Variants in VIL1 observed in about 807,000 individuals in gnomAD.
VIL1 encodes villin-1.
Under a neutral mutation model 104.0 loss-of-function variants are expected in VIL1, and 86 were observed. The observed-to-expected ratio is 0.83, with a 90% CI of 0.69 to 0.99. VIL1 has a LOEUF of 0.99. Among genes scored for constraint, VIL1 ranks in the 50% least tolerant of loss-of-function variants. VIL1 has a pLI of 0.00. For missense variants in VIL1, 944 were observed against 1,054.1 expected (o/e 0.90, Z 1.45); for synonymous variants, 394 against 412.6 (o/e 0.95, Z 0.55).
At chr2:218,432,220 G>A in intron 12 of VIL1, 37 bp downstream of exon 12, 2 of 1,598,288 alleles carry the variant, frequency 1.3e-6, no homozygotes, top group Non-Finnish European at 8.5e-7. Context: ...AGCACAGCCG[G>A]CTTAGCTCTG....
At chr2:218,421,631 TA>T (rs1373362140) in intron 1 of VIL1, among the ~76,000 whole-genome samples, 3 of 152,048 alleles carry the variant, frequency 2.0e-5, no homozygotes, top group Non-Finnish European at 4.4e-5. Flanking sequence ...ATACACCAGG[TA>T]GGGGGGCCAC....
At chr2:218,449,016 A>T (rs925626373) in intron 19 of VIL1, among the ~76,000 whole-genome samples, 1 of 151,606 alleles carries the variant, frequency 6.6e-6, no homozygotes, top group African/African-American at 2.4e-5. Context: ...AAAAAAAAAA[A>T]AATCAGGGAT....
chr2:218,424,462 C>T (rs1317606463), intron 3 of VIL1, 111 bp downstream of exon 3: 2 of 1,176,072 alleles, frequency 1.7e-6, no homozygotes, highest in Admixed American at 1.9e-5. Context: ...CACCCCAAGA[C>T]ACAATTTACT....
chr2:218,440,518 C>G (rs1689268560), intron 18 of VIL1, among the ~76,000 whole-genome samples: 2 of 152,316 alleles, frequency 1.3e-5, no homozygotes, highest in South Asian at 4.1e-4. Flanking sequence ...GATCCACCCA[C>G]CTCAGCCTCC....
intron 3 of VIL1, among the ~76,000 whole-genome samples, chr2:218,424,865 G>A (rs1213347190): frequency 6.6e-6 from 1 of 152,030 alleles, no homozygotes; most frequent in Non-Finnish European, 1.5e-5. Context: ...TCACCATGTT[G>A]ATCAGGCTGG....
intron 6 of VIL1, 135 bp downstream of exon 6, chr2:218,428,472 A>C (rs1393956031): frequency 6.9e-6 from 5 of 726,486 alleles, no homozygotes; most frequent in Non-Finnish European, 1.2e-5. Flanking sequence ...TGTTTGGTGC[A>C]GGCATGCATG....
chr2:218,436,359 G>A, intron 15 of VIL1, 123 bp from the exon 16 acceptor site: 1 of 1,305,454 alleles, frequency 7.7e-7, no homozygotes, highest in African/African-American at 1.5e-5. Flanking sequence ...TCAATCAGAA[G>A]ATAGAGCATT....
chr2:218,441,326 T>C (rs1689280822), intron 19 of VIL1, among the ~76,000 whole-genome samples: 1 of 150,928 alleles, frequency 6.6e-6, no homozygotes, highest in Non-Finnish European at 1.5e-5. Flanking sequence ...GAGGTGGAGG[T>C]TGCAGTGAGT....
At position 218,429,398 on chromosome 2, in the gene VIL1, C is replaced by A; in HGVS notation, c.681C>A (p.Asn227Lys). The A allele has an allele frequency of 6.2e-7, 1 of 1,614,130 alleles. No homozygotes were observed. The highest frequency in any genetic ancestry group is 8.5e-7 in the Non-Finnish European group (1 of 1,180,044). ...LASPKLMEVM[N>K]HVLGKRRELK... ...CCCCGAAGCTGATGGAGGTGATGAA[C>A]CACGTGCTGGGCAAGCGCAGGGAGC... The change falls in exon 7 of 20, where the codon AAC becomes AAA. Residue 227 changes from asparagine (N) to lysine (K), a missense_variant. Transcript: ENST00000248444.
At chr2:218,420,688 C>T (rs932073075) in intron 1 of VIL1, among the ~76,000 whole-genome samples, 2 of 151,578 alleles carry the variant, frequency 1.3e-5, no homozygotes, top group South Asian at 2.1e-4. Flanking sequence ...TGGGTTCACG[C>T]CATTCTCCTG....
At position 218,432,186 on chromosome 2, in the gene VIL1, C is replaced by T. The variant is rs200209386; in HGVS notation, c.1341+3C>T. On this transcript the variant is annotated splice_donor_region_variant and intron_variant, in intron 12 of 19. Transcript: ENST00000248444. ...ATTACCTGCTCTACGTTTGGCAGGT[C>T]AGGTCCCGCCACGTCCCACCCAGAG... 1,096 of 1,610,218 alleles carry T rather than the reference C, an allele frequency of 6.8e-4. 1 individual carries two copies. The highest frequency in any genetic ancestry group is 8.4e-4 in the Non-Finnish European group (996 of 1,178,756).
chr2:218,435,133 A>T (rs966347402), intron 14 of VIL1, among the ~76,000 whole-genome samples, 156 bp from the exon 15 acceptor site: 5 of 152,170 alleles, frequency 3.3e-5, no homozygotes, highest in African/African-American at 1.2e-4. Flanking sequence ...AGTGTCAAGG[A>T]CAGAAGAAAG....
chr2:218,429,864 G>C lies in VIL1; in HGVS notation c.865G>C (p.Asp289His). The change falls in exon 9 of 20, where the codon GAC becomes CAC. Residue 289 changes from aspartate to histidine, a missense_variant. Coordinates refer to ENST00000248444, the MANE Select transcript of VIL1 (RefSeq NM_007127.3). ...CCGACTCTAGGACTGTTACATCCTG[G>C]ACCAGGGGGGCCTGAAGATCTACGT... Reference protein sequence around the residue: ...LLSHEDCYILDQGGLKIYVWK... With the variant: ...LLSHEDCYILHQGGLKIYVWK... 6.2e-7 allele frequency: 1 copy of C among 1,613,720 alleles called. No individual in the cohort carries two copies. Among genetic ancestry groups the C allele is most frequent in the Non-Finnish European group, 8.5e-7 (1 of 1,179,930 alleles).
intron 19 of VIL1, among the ~76,000 whole-genome samples, chr2:218,447,340 GTCTT>G (rs1222389090): frequency 2.0e-5 from 3 of 152,096 alleles, no homozygotes; most frequent in Non-Finnish European, 4.4e-5. Context: ...TTGAGACAGG[GTCTT>G]TCTTGTTCTC....
intron 1 of VIL1, among the ~76,000 whole-genome samples, chr2:218,420,574 A>G (rs1688885109): frequency 9.2e-6 from 1 of 109,050 alleles, no homozygotes; most frequent in African/African-American, 4.8e-5. Flanking sequence ...CATCATGAGT[A>G]TTTGTTTTTT....
chr2:218,422,789 C>G (rs1424515512), intron 1 of VIL1, among the ~76,000 whole-genome samples: 1 of 152,214 alleles, frequency 6.6e-6, no homozygotes, highest in African/African-American at 2.4e-5. Flanking sequence ...TGGAGGGCAG[C>G]TCTCTGCCAG....
intron 13 of VIL1, among the ~76,000 whole-genome samples, chr2:218,433,976 C>A (rs1689142550): frequency 6.6e-6 from 1 of 151,768 alleles, no homozygotes. Flanking sequence ...GCGGGCGGAT[C>A]TCCTGAGGTT....
chr2:218,445,170 C>T (rs568429203), intron 19 of VIL1, among the ~76,000 whole-genome samples: 3 of 152,270 alleles, frequency 2.0e-5, no homozygotes, highest in South Asian at 2.1e-4. Flanking sequence ...GAGGCCAAGG[C>T]GGGCAGATTG....
At chr2:218,443,666 T>G (rs1689320270) in intron 19 of VIL1, among the ~76,000 whole-genome samples, 2 of 152,060 alleles carry the variant, frequency 1.3e-5, no homozygotes, top group Non-Finnish European at 2.9e-5. Context: ...TTCTGTGGTT[T>G]TTTTTTGAGA....
Sources: gnomAD v4.1 joint callset for allele counts (sites outside exome capture counted in the v4.1 genomes callset) on GRCh38, gnomAD v4.1.1 for gene constraint, MANE v1.5 for transcripts, NCBI Gene and HGNC (gene_info 2026-07-23, HGNC 2026-07-21) for gene names.